Variants in CAST observed in about 807,000 individuals in gnomAD.
CAST encodes MIR583 host.
Under a neutral mutation model 119.6 loss-of-function variants are expected in CAST, and 76 were observed. The ratio of observed to expected loss-of-function variants is 0.64; its 90% CI spans 0.53 to 0.77. The LOEUF (loss-of-function observed/expected upper bound fraction) is 0.77, where lower values mean the gene tolerates loss of function less well. Among genes scored for constraint, CAST ranks in the 30% least tolerant of loss-of-function variants. The pLI, the probability that CAST is intolerant of heterozygous loss-of-function variation, is 0.00. For missense variants in CAST, 953 were observed against 946.5 expected, an observed-to-expected ratio of 1.01 and a Z score of -0.09; for synonymous variants, 319 against 331.6, an observed-to-expected ratio of 0.96 and a Z score of 0.41.
upstream of CAST, among the ~76,000 whole-genome samples, chr5:96,525,967 G>T (rs1745592298): frequency 6.6e-6 from 1 of 152,174 alleles, no homozygotes; most frequent in South Asian, 2.1e-4. Flanking sequence ...TGAGAGTGGG[G>T]TGGCAATTGA....
the CAST span, among the ~76,000 whole-genome samples, chr5:96,158,164 C>T: frequency 1.3e-5 from 2 of 152,004 alleles, no homozygotes; most frequent in Non-Finnish European, 2.9e-5. Flanking sequence ...CCTAGACAGC[C>T]ACCCATATCC....
At chr5:96,396,704 T>C in the CAST span, among the ~76,000 whole-genome samples, 1 of 152,114 alleles carries the variant, frequency 6.6e-6, no homozygotes, top group Non-Finnish European at 1.5e-5. Flanking sequence ...GATGCAAAAA[T>C]AAATAATTAA....
chr5:96,014,283 T>G, the CAST span, among the ~76,000 whole-genome samples: 7 of 152,196 alleles, frequency 4.6e-5, no homozygotes, highest in Admixed American at 2.0e-4. Context: ...TGGAAGGTTA[T>G]CAGGGGCAGT....
At chr5:96,443,072 GA>G in the CAST span, among the ~76,000 whole-genome samples, 2,011 of 151,926 alleles carry the variant, frequency 0.013, 35 homozygotes, top group African/African-American at 0.041. Flanking sequence ...GAACTTGGGG[GA>G]AAAAAACAGA....
intron 1 of CAST, among the ~76,000 whole-genome samples, chr5:96,588,474 A>T (rs569226021): frequency 5.9e-5 from 9 of 152,268 alleles, no homozygotes; most frequent in African/African-American, 2.2e-4. Flanking sequence ...TGCTGGGATT[A>T]CAGGCATGAG....
At chr5:96,425,052 GAAAGAAAGAAAGAA>G in the CAST span, among the ~76,000 whole-genome samples, 33 of 119,146 alleles carry the variant, frequency 2.8e-4, no homozygotes, top group African/African-American at 1.0e-3. Context: ...AAGAAAGAAA[GAAAGAAAGAAAGAA>G]AGAAAGAAAA....
the CAST span, among the ~76,000 whole-genome samples, chr5:96,333,657 T>G: frequency 6.6e-6 from 1 of 152,100 alleles, no homozygotes; most frequent in African/African-American, 2.4e-5. Flanking sequence ...CTGCTCAAGC[T>G]TCTGTGGTGA....
the CAST span, among the ~76,000 whole-genome samples, chr5:96,452,047 T>C: frequency 6.6e-6 from 1 of 152,230 alleles, no homozygotes; most frequent in Non-Finnish European, 1.5e-5. Context: ...TTGGTGGGAA[T>C]GTAAATTAGT....
chr5:96,277,145 C>T, the CAST span, among the ~76,000 whole-genome samples: 1 of 152,124 alleles, frequency 6.6e-6, no homozygotes, highest in Non-Finnish European at 1.5e-5. Context: ...CAGTAAAAAT[C>T]GTCTTTGTAG....
the CAST span, among the ~76,000 whole-genome samples, chr5:96,340,645 G>T: frequency 1.3e-5 from 2 of 152,152 alleles, no homozygotes. Flanking sequence ...CTCCTTTGTT[G>T]CCTAAGAGCT....
At chr5:96,350,248 A>G in the CAST span, among the ~76,000 whole-genome samples, 1 of 151,700 alleles carries the variant, frequency 6.6e-6, no homozygotes, top group African/African-American at 2.4e-5. Flanking sequence ...TGTGTAGATA[A>G]GAGACAAACA....
chr5:95,962,581 G>A, the CAST span, among the ~76,000 whole-genome samples: 1 of 152,122 alleles, frequency 6.6e-6, no homozygotes, highest in Non-Finnish European at 1.5e-5. Context: ...ATCTTGTGGA[G>A]CATCTTAAGG....
At chr5:96,492,783 G>A in the CAST span, among the ~76,000 whole-genome samples, 73 of 152,318 alleles carry the variant, frequency 4.8e-4, no homozygotes, top group Middle Eastern at 0.01. Flanking sequence ...GAGCTGAGAA[G>A]AGGAGACATC....
the CAST span, among the ~76,000 whole-genome samples, chr5:96,455,434 T>C: frequency 1.3e-5 from 2 of 152,242 alleles, no homozygotes; most frequent in Non-Finnish European, 2.9e-5. Flanking sequence ...GAGTTGTTTA[T>C]ACAAGATACA....
At chr5:96,261,579 T>A in the CAST span, among the ~76,000 whole-genome samples, 1 of 152,186 alleles carries the variant, frequency 6.6e-6, no homozygotes, top group African/African-American at 2.4e-5. Flanking sequence ...CAATTGGAAC[T>A]CTTAGAGGCC....
At chr5:96,698,958 T>C (rs1433275788) in intron 3 of CAST, among the ~76,000 whole-genome samples, 3 of 152,246 alleles carry the variant, frequency 2.0e-5, no homozygotes, top group African/African-American at 7.2e-5. Flanking sequence ...AGAATTGTTT[T>C]ATGAGAATGC....
At chr5:96,336,527 C>T in the CAST span, among the ~76,000 whole-genome samples, 1 of 152,120 alleles carries the variant, frequency 6.6e-6, no homozygotes, top group African/African-American at 2.4e-5. Flanking sequence ...TTTTTCGCTC[C>T]CAGAGTTCTT....
chr5:96,244,618 T>G, the CAST span, among the ~76,000 whole-genome samples: 11 of 152,220 alleles, frequency 7.2e-5, no homozygotes, highest in Non-Finnish European at 1.5e-4. Context: ...TTACCCCATT[T>G]TATACACGGG....
At chr5:96,244,841 A>T in the CAST span, among the ~76,000 whole-genome samples, 1 of 152,172 alleles carries the variant, frequency 6.6e-6, no homozygotes, top group East Asian at 1.9e-4. Flanking sequence ...TTAAATATTT[A>T]TTGAGTGACT....
Sources: allele counts gnomAD v4.1 joint callset (sites outside exome capture counted in the v4.1 genomes callset), GRCh38; gene constraint gnomAD v4.1.1; transcripts MANE v1.5; gene names NCBI Gene and HGNC (gene_info 2026-07-23, HGNC 2026-07-21).